The following CASP5 variants were observed in gnomAD, a reference collection of about 807,000 sequenced individuals.
The protein encoded by CASP5 is caspase-5.
In CASP5, 42 loss-of-function variants were observed where a neutral mutation model predicts 45.2. That is an observed-to-expected ratio of 0.93 (90% CI 0.73 to 1.20). The LOEUF (loss-of-function observed/expected upper bound fraction) is 1.20. Among genes scored for constraint, CASP5 ranks in the 50% most tolerant of loss-of-function variants. The pLI, the probability that CASP5 is intolerant of heterozygous loss-of-function variation, is 0.00. For missense variants in CASP5, 512 were observed against 532.2 expected (o/e 0.96, Z 0.37); for synonymous variants, 209 against 186.2 (o/e 1.12, Z -1.00).
chr11:105,004,799 A>G (rs17103510), intron 3 of CASP5, among the ~76,000 whole-genome samples: 3,925 of 152,222 alleles, frequency 0.026, 147 homozygotes, highest in African/African-American at 0.089. Flanking sequence ...CATAGATTAA[A>G]CAGTGACAGA....
chr11:105,020,812 A>C (rs1052329402), intron 1 of CASP5, among the ~76,000 whole-genome samples: 1 of 152,184 alleles, frequency 6.6e-6, no homozygotes, highest in South Asian at 2.1e-4. Context: ...AAACTACTTT[A>C]CAGTTCATAT....
In CASP5 at chr11:105,003,300, T is replaced by C; in HGVS notation, c.517A>G (p.Arg173Gly). ...TCATCATGATTTTTTTTACACAGTC[T>C]CAGGAATTCTTCACGAGGACAAAGT... ...LKLCPREEFL[R>G]LCKKNHDEIY... is the part of the protein sequence containing the mutation. The change falls in exon 4 of 10, where the codon AGA becomes GGA. Residue 173 changes from arginine (R) to glycine (G), a missense_variant. By Grantham distance (125) the Arg-to-Gly change is moderately radical. Coordinates refer to ENST00000260315, the MANE Select transcript of CASP5 (RefSeq NM_004347.5). 6.2e-7 allele frequency: 1 copy of C among 1,605,748 alleles called. No individual in the cohort carries two copies. Among genetic ancestry groups the C allele is most frequent in the Non-Finnish European group, 8.5e-7 (1 of 1,174,944 alleles).
intron 3 of CASP5, among the ~76,000 whole-genome samples, chr11:105,005,125 T>C (rs1861940319): frequency 6.6e-6 from 1 of 152,116 alleles, no homozygotes; most frequent in Non-Finnish European, 1.5e-5. Context: ...CAACAGGAAG[T>C]AATGTGGAAA....
chr11:104,994,740 AT>A (rs1177638508), intron 9 of CASP5, among the ~76,000 whole-genome samples: 1 of 152,128 alleles, frequency 6.6e-6, no homozygotes, highest in Non-Finnish European at 1.5e-5. Context: ...TGTTCAGCAT[AT>A]TTCTGCCCCA....
At chr11:105,009,742 T>TACACAC (rs1359323490) in intron 1 of CASP5, among the ~76,000 whole-genome samples, 4 of 68,864 alleles carry the variant, frequency 5.8e-5, no homozygotes, top group African/African-American at 3.2e-4. Context: ...TATATATATA[T>TACACAC]ATATATATAT....
At chr11:104,998,492 T>C (rs1170062420) in intron 7 of CASP5, among the ~76,000 whole-genome samples, 2 of 152,148 alleles carry the variant, frequency 1.3e-5, no homozygotes, top group Admixed American at 6.6e-5. Flanking sequence ...AGAAGAGGGC[T>C]TGAAGTTGAT....
In CASP5 at chr11:105,018,319, A is replaced by T. The variant is rs1431790346; in HGVS notation, c.7+4811T>A. On this transcript the variant is annotated intron_variant, in intron 1 of 9. Coordinates refer to ENST00000260315, the MANE Select transcript of CASP5 (RefSeq NM_004347.5). ...TCACACATAACAATATTAACTTTAA[A>T]TGTAAATGGACTAAATGCTCCAATT... is the stretch of plus-strand genomic sequence containing the variant. Among the ~76,000 whole-genome samples the T allele has an allele frequency of 5.3e-5, 8 of 151,458 alleles. No individual in the cohort carries two copies. In the East Asian group the frequency reaches 1.6e-3, roughly 29 times the overall value.
At chr11:105,008,658 G>T in intron 2 of CASP5, 149 bp downstream of exon 2, 1 of 618,256 alleles carries the variant, frequency 1.6e-6, no homozygotes, top group Non-Finnish European at 2.8e-6. Context: ...AGACAAGGTA[G>T]TCCCTGAAGG....
chr11:105,008,678 A>G, intron 2 of CASP5, 129 bp downstream of exon 2: 3 of 678,602 alleles, frequency 4.4e-6, no homozygotes, highest in East Asian at 2.7e-5. Context: ...GAAAAATTAT[A>G]GGTTTGGTGA....
chr11:104,998,244 G>A (rs1861554321), intron 7 of CASP5, among the ~76,000 whole-genome samples: 1 of 152,106 alleles, frequency 6.6e-6, no homozygotes, highest in African/African-American at 2.4e-5. Context: ...GTTTTCATAT[G>A]TCAGCTATGC....
At chr11:105,006,015 T>C (rs1033888284) in intron 3 of CASP5, among the ~76,000 whole-genome samples, 3 of 152,166 alleles carry the variant, frequency 2.0e-5, no homozygotes, top group Non-Finnish European at 4.4e-5. Flanking sequence ...GAACAATTTA[T>C]GTTGCTTTAT....
At chr11:105,018,329 A>T (rs543444850) in intron 1 of CASP5, among the ~76,000 whole-genome samples, 2 of 151,686 alleles carry the variant, frequency 1.3e-5, no homozygotes, top group South Asian at 4.2e-4. Flanking sequence ...ATGTAAATGG[A>T]CTAAATGCTC....
intron 1 of CASP5, 85 bp from the exon 2 acceptor site, chr11:105,009,065 A>G (rs762846312): frequency 1.4e-5 from 16 of 1,159,590 alleles, no homozygotes; most frequent in Non-Finnish European, 1.7e-5. Flanking sequence ...TGTAATGTGA[A>G]ACACCCTTGA....
chr11:105,005,910 G>A (rs45524138), intron 3 of CASP5, among the ~76,000 whole-genome samples: 8,733 of 152,180 alleles, frequency 0.057, 248 homozygotes, highest in African/African-American at 0.065. Flanking sequence ...ATGCATCCTT[G>A]CCTAAAATCT....
At chr11:105,013,812 T>C (rs1862462630) in intron 1 of CASP5, among the ~76,000 whole-genome samples, 2 of 152,084 alleles carry the variant, frequency 1.3e-5, no homozygotes, top group Non-Finnish European at 2.9e-5. Flanking sequence ...TGCTCCTCCA[T>C]ATAGTAAAAA....
At chr11:105,009,771 G>GTATATA (rs35870613) in intron 1 of CASP5, among the ~76,000 whole-genome samples, 5 of 88,480 alleles carry the variant, frequency 5.7e-5, no homozygotes, top group African/African-American at 1.5e-4. Flanking sequence ...ACACACACAC[G>GTATATA]TATATATATA....
rs559981548 is a variant in CASP5 at position 105,009,626 on chromosome 11, T to C, written c.8-646A>G. On this transcript the variant is annotated intron_variant, in intron 1 of 9. Transcript: ENST00000260315. ...AACCAAAATTTAGAATTGAAAATAT[T>C]TAACAAATATTATGGTAGATTAATA... Among the ~76,000 whole-genome samples, 6 of 148,448 alleles carry C rather than the reference T, an allele frequency of 4.0e-5. No individual in the cohort carries two copies. In the South Asian group the frequency reaches 1.1e-3, roughly 26 times the overall value.
intron 1 of CASP5, among the ~76,000 whole-genome samples, chr11:105,013,271 A>C (rs373297039): frequency 2.6e-5 from 4 of 152,164 alleles, no homozygotes; most frequent in African/African-American, 7.2e-5. Flanking sequence ...AGGAGGCAGG[A>C]AGTTTGGGGA....
At chr11:105,020,529 C>A (rs1180626090) in intron 1 of CASP5, among the ~76,000 whole-genome samples, 2 of 147,282 alleles carry the variant, frequency 1.4e-5, no homozygotes, top group African/African-American at 5.0e-5. Context: ...AAACAGAGAG[C>A]CAAATCATGA....
Sources: allele counts gnomAD v4.1 joint callset (sites outside exome capture counted in the v4.1 genomes callset), GRCh38; gene constraint gnomAD v4.1.1; transcripts MANE v1.5; gene names NCBI Gene and HGNC (gene_info 2026-07-23, HGNC 2026-07-21).